TBC1D32: variants seen among roughly 807,000 people sequenced by gnomAD.
TBC1D32 encodes TBC1 domain family member 32.
In TBC1D32, 151 loss-of-function variants were observed where a neutral mutation model predicts 170.3. The observed-to-expected ratio is 0.89, with a 90% confidence interval of 0.78 to 1.01. TBC1D32 has a LOEUF of 1.01. Among genes scored for constraint, TBC1D32 ranks in the 50% least tolerant of loss-of-function variants. TBC1D32 has a pLI of 0.00. For missense variants in TBC1D32, 1,464 were observed against 1,457.1 expected, an observed-to-expected ratio of 1.00 and a Z score of -0.08; for synonymous variants, 498 against 488.0, an observed-to-expected ratio of 1.02 and a Z score of -0.27.
At chr6:121,105,613 A>C (rs1204805317) in intron 30 of TBC1D32, among the ~76,000 whole-genome samples, 2 of 151,966 alleles carry the variant, frequency 1.3e-5, no homozygotes, top group African/African-American at 2.4e-5. Flanking sequence ...GCCTTCCTAG[A>C]TCCCGACAGT....
At chr6:121,255,466 A>G in intron 16 of TBC1D32, 56 bp from the exon 17 acceptor site, 2 of 395,984 alleles carry the variant, frequency 5.1e-6, no homozygotes, top group Non-Finnish European at 8.3e-6. Flanking sequence ...CCATATATTT[A>G]TATTTTATAA....
intron 22 of TBC1D32, among the ~76,000 whole-genome samples, chr6:121,176,948 C>G (rs1039866356): frequency 5.9e-5 from 9 of 152,104 alleles, no homozygotes; most frequent in African/African-American, 1.9e-4. Flanking sequence ...TAGGTGGAGA[C>G]CGAAAGCCTG....
intron 14 of TBC1D32, among the ~76,000 whole-genome samples, 165 bp downstream of exon 14, chr6:121,281,379 T>C (rs2128445188): frequency 6.6e-6 from 1 of 151,744 alleles, no homozygotes; most frequent in African/African-American, 2.4e-5. Flanking sequence ...ATCAACTGCA[T>C]AAGCTATAAT....
chr6:121,305,154 G>C (rs1184881198), intron 5 of TBC1D32, among the ~76,000 whole-genome samples: 1 of 152,012 alleles, frequency 6.6e-6, no homozygotes, highest in Non-Finnish European at 1.5e-5. Flanking sequence ...AAGGAACAGA[G>C]TAGGCAGTAC....
At chr6:121,149,958 G>A (rs1252598646) in intron 24 of TBC1D32, among the ~76,000 whole-genome samples, 1 of 152,022 alleles carries the variant, frequency 6.6e-6, no homozygotes, top group African/African-American at 2.4e-5. Context: ...AGTTCTCTTT[G>A]AAGAGATCCT....
intron 12 of TBC1D32, among the ~76,000 whole-genome samples, chr6:121,289,205 A>G (rs1004651290): frequency 2.0e-5 from 3 of 152,220 alleles, no homozygotes; most frequent in Non-Finnish European, 4.4e-5. Flanking sequence ...GGAAAAGAGG[A>G]AGGCAAATTG....
intron 21 of TBC1D32, among the ~76,000 whole-genome samples, chr6:121,205,770 C>G (rs992611417): frequency 6.6e-6 from 1 of 152,108 alleles, no homozygotes; most frequent in Non-Finnish European, 1.5e-5. Context: ...CATCAATACT[C>G]TTTTAAAAGC....
rs965726759 is a variant in TBC1D32, at chr6:121,085,277, G to A, written c.3655-4387C>T. Among the ~76,000 whole-genome samples the A allele has an allele frequency of 1.3e-3, 119 of 94,806 alleles. 1 individual carries two copies. Among genetic ancestry groups the A allele is most frequent in the Middle Eastern group, 0.011 (2 of 180 alleles). The allele number at this position is 94,806 out of a possible 152,430, so 62.2% of individuals were successfully genotyped here. On this transcript the variant is annotated intron_variant, in intron 31 of 31. Coordinates refer to ENST00000398212, the MANE Select transcript of TBC1D32 (RefSeq NM_152730.6). ...TATATACACATATATACATATATAC[G>A]TATATATATACATATATACATACAT... is the stretch of plus-strand genomic sequence containing the variant.
intron 22 of TBC1D32, among the ~76,000 whole-genome samples, chr6:121,185,045 G>GT (rs1436139588): frequency 6.8e-6 from 1 of 146,312 alleles, no homozygotes; most frequent in Non-Finnish European, 1.5e-5. Flanking sequence ...ATACTATTCT[G>GT]TAAGTTTTTT....
intron 25 of TBC1D32, chr6:121,129,811 G>C (rs1781234810): frequency 2.6e-6 from 1 of 386,472 alleles, no homozygotes; most frequent in African/African-American, 2.1e-5. Flanking sequence ...TCCTTTCAAT[G>C]ATTGAGTAGA....
intron 30 of TBC1D32, among the ~76,000 whole-genome samples, chr6:121,101,305 T>C (rs993451280): frequency 7.2e-5 from 11 of 152,080 alleles, no homozygotes; most frequent in East Asian, 3.9e-4. Flanking sequence ...TTTAGACCAA[T>C]ATCCCTGATG....
chr6:121,101,414 G>A (rs896692135), intron 30 of TBC1D32, among the ~76,000 whole-genome samples: 2 of 152,014 alleles, frequency 1.3e-5, no homozygotes, highest in Non-Finnish European at 2.9e-5. Context: ...TCATCCATGG[G>A]ATGCGAAGCT....
intron 13 of TBC1D32, among the ~76,000 whole-genome samples, chr6:121,282,315 T>C (rs925284489): frequency 6.6e-6 from 1 of 151,704 alleles, no homozygotes; most frequent in Non-Finnish European, 1.5e-5. Context: ...TTAAATGATT[T>C]TCAGTTTCAT....
chr6:121,207,725 C>T (rs1792462162), intron 21 of TBC1D32, among the ~76,000 whole-genome samples: 1 of 152,174 alleles, frequency 6.6e-6, no homozygotes, highest in Non-Finnish European at 1.5e-5. Context: ...TTAAAAGATA[C>T]TGTCCAGCTT....
At chr6:121,123,946 C>G (rs1656081381) in intron 26 of TBC1D32, among the ~76,000 whole-genome samples, 1 of 151,542 alleles carries the variant, frequency 6.6e-6, no homozygotes, top group South Asian at 2.1e-4. Context: ...AAAAAGATAA[C>G]TTGATTGCAA....
At chr6:121,240,357 A>ATTTTTT (rs35946120) in intron 19 of TBC1D32, among the ~76,000 whole-genome samples, 1,815 of 75,214 alleles carry the variant, frequency 0.024, 143 homozygotes, top group Non-Finnish European at 0.033. Flanking sequence ...GTTTAGGACA[A>ATTTTTT]TTTTTTTTTT....
chr6:121,317,449 T>C, intron 3 of TBC1D32, 46 bp downstream of exon 3: 1 of 1,392,152 alleles, frequency 7.2e-7, no homozygotes. Context: ...AGCTAATTAT[T>C]ATTAAACAGC....
At chr6:121,199,407 C>A (rs1298687801) in intron 22 of TBC1D32, among the ~76,000 whole-genome samples, 1 of 151,002 alleles carries the variant, frequency 6.6e-6, no homozygotes, top group Non-Finnish European at 1.5e-5. Flanking sequence ...AAATCTGTAG[C>A]TAAAGATCAA....
At chr6:121,181,939 G>A (rs1202711958) in intron 22 of TBC1D32, among the ~76,000 whole-genome samples, 1 of 152,048 alleles carries the variant, frequency 6.6e-6, no homozygotes, top group East Asian at 1.9e-4. Flanking sequence ...CATGGAAGTA[G>A]GGAGTAAAAT....
Sources: gnomAD v4.1 joint callset for allele counts (sites outside exome capture counted in the v4.1 genomes callset) on GRCh38, gnomAD v4.1.1 for gene constraint, MANE v1.5 for transcripts, NCBI Gene and HGNC (gene_info 2026-07-23, HGNC 2026-07-21) for gene names.